Variants in GPHN observed in about 807,000 individuals in gnomAD.
The protein encoded by GPHN is gephyrin.
A neutral mutation model predicts 95.5 loss-of-function variants in GPHN; 17 were observed. The observed-to-expected ratio is 0.18, with a 90% CI of 0.12 to 0.27. The LOEUF (loss-of-function observed/expected upper bound fraction) is 0.27. Among genes scored for constraint, GPHN ranks in the 10% least tolerant of loss-of-function variants. GPHN has a pLI of 1.00. For synonymous variants in GPHN, 320 were observed against 322.5 expected (o/e 0.99, Z 0.08); for missense variants, 660 against 978.1 (o/e 0.67, Z 4.34).
the GPHN span, among the ~76,000 whole-genome samples, chr14:67,524,732 G>A: frequency 2.6e-5 from 4 of 152,274 alleles, no homozygotes; most frequent in South Asian, 8.3e-4. Flanking sequence ...AGAACATACT[G>A]TATAATAGGA....
At chr14:67,157,459 A>T (rs2081662525) in intron 18 of GPHN, among the ~76,000 whole-genome samples, 1 of 152,194 alleles carries the variant, frequency 6.6e-6, no homozygotes, top group Non-Finnish European at 1.5e-5. Context: ...ACTAAGATAA[A>T]GGTGGGATAG....
the GPHN span, among the ~76,000 whole-genome samples, chr14:67,675,725 G>C: frequency 2.0e-5 from 3 of 152,108 alleles, no homozygotes; most frequent in African/African-American, 7.2e-5. Flanking sequence ...GGTGGGCCTG[G>C]CTTCATTAGG....
chr14:67,203,233 C>G, the GPHN span: 1 of 1,612,516 alleles, frequency 6.2e-7, no homozygotes, highest in Non-Finnish European at 8.5e-7. Context: ...CAAAAAGATA[C>G]AGAAACCCTG....
chr14:66,903,740 T>C (rs2065233984), intron 5 of GPHN, among the ~76,000 whole-genome samples: 1 of 152,220 alleles, frequency 6.6e-6, no homozygotes, highest in Admixed American at 6.5e-5. Flanking sequence ...TTTCTTCATA[T>C]GTGGTTTCAG....
intron 1 of GPHN, among the ~76,000 whole-genome samples, chr14:66,587,194 A>C (rs1395469307): frequency 6.6e-6 from 1 of 152,188 alleles, no homozygotes; most frequent in Non-Finnish European, 1.5e-5. Flanking sequence ...GAAGAAATAG[A>C]AAAGCTTTAC....
chr14:66,727,558 T>G (rs978229962), intron 2 of GPHN, among the ~76,000 whole-genome samples: 1 of 152,200 alleles, frequency 6.6e-6, no homozygotes, highest in Admixed American at 6.5e-5. Context: ...CAGATGGAGA[T>G]GAAGTACTTG....
chr14:66,582,938 T>C (rs1268596714), intron 1 of GPHN, among the ~76,000 whole-genome samples: 5 of 152,198 alleles, frequency 3.3e-5, no homozygotes, highest in Non-Finnish European at 7.3e-5. Context: ...TTTCTAGTTC[T>C]AAATCCCTGA....
the GPHN span, among the ~76,000 whole-genome samples, chr14:67,205,826 C>T: frequency 6.6e-6 from 1 of 152,130 alleles, no homozygotes; most frequent in Non-Finnish European, 1.5e-5. Context: ...AATCTAATGG[C>T]AGGATGGATT....
the GPHN span, chr14:67,584,260 C>T: frequency 4.9e-6 from 4 of 819,616 alleles, no homozygotes; most frequent in Non-Finnish European, 7.6e-6. Context: ...TGTTTCTGGC[C>T]TAGTCCAGCT....
the GPHN span, among the ~76,000 whole-genome samples, chr14:67,449,633 C>A: frequency 6.6e-6 from 1 of 152,160 alleles, no homozygotes; most frequent in African/African-American, 2.4e-5. Context: ...CCAGTTGAGG[C>A]CTAATATGGT....
chr14:67,535,037 G>A, the GPHN span, among the ~76,000 whole-genome samples: 19 of 152,328 alleles, frequency 1.2e-4, no homozygotes, highest in East Asian at 9.6e-4. Flanking sequence ...GTTATAAAGC[G>A]TGCAGAGAAA....
Position 67,001,967 on chromosome 14 carries a change from G to C in GPHN, c.964-21666G>C, listed in dbSNP as rs114497568. On this transcript the variant is annotated intron_variant, in intron 9 of 22. Transcript: ENST00000478722. ...AACATGCATTTGGGTGAAATGTATA[G>C]CCTAGACTTTGGCAAGTAGAATTAT... Among the ~76,000 whole-genome samples the C allele has an allele frequency of 8.4e-3, 1,276 of 151,666 alleles. 13 individuals carry two copies. Among genetic ancestry groups the C allele is most frequent in the African/African-American group, 0.029 (1,205 of 41,490 alleles).
the GPHN span, among the ~76,000 whole-genome samples, chr14:67,298,698 G>A: frequency 6.6e-6 from 1 of 152,154 alleles, no homozygotes; most frequent in Non-Finnish European, 1.5e-5. Flanking sequence ...TAAAATGAGT[G>A]TGTTTTATTG....
chr14:66,719,921 C>T (rs1344428975), intron 2 of GPHN, among the ~76,000 whole-genome samples: 2 of 152,088 alleles, frequency 1.3e-5, no homozygotes, highest in Non-Finnish European at 2.9e-5. Flanking sequence ...ACTTTGGAAA[C>T]AAATTTGCCA....
At chr14:67,580,887 C>T in the GPHN span, 8 of 1,228,200 alleles carry the variant, frequency 6.5e-6, no homozygotes, top group Non-Finnish European at 6.0e-6. Context: ...ACCTTGATCC[C>T]TTCTCTCCTT....
chr14:66,659,675 C>T (rs1264239658), intron 1 of GPHN, among the ~76,000 whole-genome samples: 2 of 151,704 alleles, frequency 1.3e-5, no homozygotes, highest in African/African-American at 4.8e-5. Flanking sequence ...TGTATTGTGC[C>T]TCTCTGTCTC....
At chr14:66,682,996 TAATTTTAGTATTCTAAAAAA>T (rs2067034157) in intron 2 of GPHN, among the ~76,000 whole-genome samples, 1 of 151,568 alleles carries the variant, frequency 6.6e-6, no homozygotes, top group Non-Finnish European at 1.5e-5. Flanking sequence ...ATTCTATATT[TAATTTTAGTATTCTAAAAAA>T]AAAATTCATC....
chr14:67,175,160 T>C (rs1042723603), intron 21 of GPHN, among the ~76,000 whole-genome samples: 2 of 152,244 alleles, frequency 1.3e-5, no homozygotes, highest in African/African-American at 4.8e-5. Context: ...CCCATGCCTA[T>C]GTCCTGAATG....
At position 67,112,686 on chromosome 14, in the gene GPHN, TG is replaced by T. The variant is rs763721694; in HGVS notation, c.1473-330del. ...TGCCTTATCAAAGAAAGTTTACAAT[TG>T]GTATTTTTACTATAATGTAACATAA... On this transcript the variant is annotated intron_variant, in intron 15 of 22. Coordinates refer to ENST00000478722, the MANE Select transcript of GPHN (RefSeq NM_020806.5). Among the ~76,000 whole-genome samples, 24 of 152,336 alleles carry T rather than the reference TG, an allele frequency of 1.6e-4. No homozygotes were observed. In the East Asian group the frequency reaches 4.6e-3, roughly 29 times the overall value.
Sources: gnomAD v4.1 joint callset for allele counts (sites outside exome capture counted in the v4.1 genomes callset) on GRCh38, gnomAD v4.1.1 for gene constraint, MANE v1.5 for transcripts, NCBI Gene and HGNC (gene_info 2026-07-23, HGNC 2026-07-21) for gene names.